CAMK1D: variants seen among roughly 807,000 people sequenced by gnomAD.
The protein encoded by CAMK1D is calcium/calmodulin-dependent protein kinase type 1D.
In CAMK1D, 9 loss-of-function variants were observed where a neutral mutation model predicts 47.7. The ratio of observed to expected loss-of-function variants is 0.19; its 90% confidence interval spans 0.11 to 0.33. CAMK1D has a LOEUF of 0.33. Ranked by LOEUF, CAMK1D falls within the 10% of genes least tolerant of loss-of-function variation. The pLI is 1.00. For missense variants in CAMK1D, 291 were observed against 488.7 expected (o/e 0.60, Z 3.81); for synonymous variants, 184 against 184.9 (o/e 0.99, Z 0.04).
At chr10:12,715,911 T>C (rs918991686) in intron 3 of CAMK1D, among the ~76,000 whole-genome samples, 1 of 152,018 alleles carries the variant, frequency 6.6e-6, no homozygotes, top group South Asian at 2.1e-4. Context: ...GGTTTCACCA[T>C]GTTGGCCAGG....
At chr10:12,410,856 T>G (rs2131941967) in intron 1 of CAMK1D, among the ~76,000 whole-genome samples, 1 of 152,280 alleles carries the variant, frequency 6.6e-6, no homozygotes, top group South Asian at 2.1e-4. Flanking sequence ...TTTTATTGAT[T>G]AATTTTAGGC....
At chr10:12,463,954 C>T (rs545209105) in intron 1 of CAMK1D, among the ~76,000 whole-genome samples, 2 of 152,054 alleles carry the variant, frequency 1.3e-5, no homozygotes, top group Non-Finnish European at 2.9e-5. Flanking sequence ...CCTTGCTTCC[C>T]CTTCTGCCTT....
chr10:12,686,653 G>C (rs1832677589), intron 3 of CAMK1D, among the ~76,000 whole-genome samples: 1 of 152,040 alleles, frequency 6.6e-6, no homozygotes, highest in South Asian at 2.1e-4. Context: ...GCTTAAAACA[G>C]AGTTATATAG....
intron 1 of CAMK1D, among the ~76,000 whole-genome samples, chr10:12,426,674 A>G (rs945101782): frequency 6.6e-6 from 1 of 152,044 alleles, no homozygotes; most frequent in Non-Finnish European, 1.5e-5. Flanking sequence ...TCAGCTTCCT[A>G]AGTAGCTGGG....
intron 3 of CAMK1D, among the ~76,000 whole-genome samples, chr10:12,709,285 T>C (rs1336505689): frequency 6.6e-6 from 1 of 151,616 alleles, no homozygotes; most frequent in African/African-American, 2.4e-5. Context: ...AATTCTTGGC[T>C]GAGAAAATGT....
intron 1 of CAMK1D, among the ~76,000 whole-genome samples, chr10:12,552,358 C>T (rs1375608066): frequency 6.6e-6 from 1 of 152,178 alleles, no homozygotes; most frequent in Non-Finnish European, 1.5e-5. Flanking sequence ...GCACTTGCAC[C>T]CCATGACCAA....
At chr10:12,826,136 CA>C (rs111766429) in intron 10 of CAMK1D, 25,211 of 142,780 alleles carry the variant, frequency 0.18, 1,884 homozygotes, top group Middle Eastern at 0.21. Context: ...GACTCCCTCT[CA>C]AAAAAAAAAA....
intron 2 of CAMK1D, among the ~76,000 whole-genome samples, chr10:12,556,265 T>C (rs1322257983): frequency 6.6e-6 from 1 of 152,210 alleles, no homozygotes; most frequent in African/African-American, 2.4e-5. Flanking sequence ...CAGAATGTTG[T>C]CATGGAGACA....
chr10:12,678,844 C>T (rs12221277), intron 3 of CAMK1D, among the ~76,000 whole-genome samples: 1,935 of 152,128 alleles, frequency 0.013, 39 homozygotes, highest in South Asian at 0.11. Context: ...CTTGCTGCAA[C>T]CTCCGCCTCC....
At chr10:12,650,672 A>G (rs1006311228) in intron 2 of CAMK1D, among the ~76,000 whole-genome samples, 1 of 150,710 alleles carries the variant, frequency 6.6e-6, no homozygotes, top group Non-Finnish European at 1.5e-5. Context: ...TCCCCTGCCC[A>G]CTCCACCCGC....
chr10:12,612,829 TTTG>T (rs1158697297), intron 2 of CAMK1D, among the ~76,000 whole-genome samples: 1 of 152,120 alleles, frequency 6.6e-6, no homozygotes, highest in Non-Finnish European at 1.5e-5. Context: ...TGTAATACCT[TTTG>T]TTGTTAGTAT....
intron 1 of CAMK1D, among the ~76,000 whole-genome samples, chr10:12,410,700 T>G (rs950442373): frequency 3.9e-5 from 6 of 152,184 alleles, no homozygotes; most frequent in African/African-American, 1.4e-4. Flanking sequence ...ATATTAGTTC[T>G]TTGTTAGCAG....
At chr10:12,733,623 T>A (rs1296282181) in intron 3 of CAMK1D, among the ~76,000 whole-genome samples, 4 of 152,180 alleles carry the variant, frequency 2.6e-5, no homozygotes, top group African/African-American at 9.7e-5. Context: ...CCAGGTAGTG[T>A]TCTAGAAACA....
intron 1 of CAMK1D, among the ~76,000 whole-genome samples, chr10:12,489,993 C>T (rs191564512): frequency 3.6e-4 from 55 of 152,232 alleles, no homozygotes; most frequent in South Asian, 1.0e-3. Flanking sequence ...CAGGTGTGAA[C>T]GGGGCAGGCA....
chr10:12,530,863 C>T (rs1250725242), intron 1 of CAMK1D, among the ~76,000 whole-genome samples: 1 of 152,014 alleles, frequency 6.6e-6, no homozygotes, highest in African/African-American at 2.4e-5. Context: ...TCGAGACCAG[C>T]CTGGCCAACA....
At chr10:12,558,478 C>A (rs761366534) in intron 2 of CAMK1D, among the ~76,000 whole-genome samples, 1 of 151,848 alleles carries the variant, frequency 6.6e-6, no homozygotes, top group African/African-American at 2.4e-5. Context: ...TGTTTGAACC[C>A]AGGAGGTGGA....
At chr10:12,767,556 C>G (rs1836825487) in intron 4 of CAMK1D, among the ~76,000 whole-genome samples, 1 of 152,158 alleles carries the variant, frequency 6.6e-6, no homozygotes, top group Non-Finnish European at 1.5e-5. Context: ...ATCCTGATGA[C>G]ATGTGCCCAA....
chr10:12,450,023 A>G (rs1833038073), intron 1 of CAMK1D, among the ~76,000 whole-genome samples: 1 of 151,826 alleles, frequency 6.6e-6, no homozygotes, highest in Admixed American at 6.6e-5. Flanking sequence ...GTATATAAAA[A>G]AAGTAAATTG....
intron 1 of CAMK1D, among the ~76,000 whole-genome samples, chr10:12,364,173 A>C (rs1229040849): frequency 1.3e-5 from 2 of 150,670 alleles, no homozygotes; most frequent in African/African-American, 2.4e-5. Context: ...TAAATGACTC[A>C]GGTGAAGAGG....
Sources: gnomAD v4.1 joint callset for allele counts (sites outside exome capture counted in the v4.1 genomes callset) on GRCh38, gnomAD v4.1.1 for gene constraint, MANE v1.5 for transcripts, NCBI Gene and HGNC (gene_info 2026-07-23, HGNC 2026-07-21) for gene names.